The following ZNF30 variants were observed in gnomAD, a reference collection of about 807,000 sequenced individuals.
The protein encoded by ZNF30 is zinc finger protein 30 (KOX 28).
Under a neutral mutation model 13.2 loss-of-function variants are expected in ZNF30, and 15 were observed. The ratio of observed to expected loss-of-function variants is 1.13; its 90% CI spans 0.76 to 1.75. The LOEUF (loss-of-function observed/expected upper bound fraction) is 1.75, where lower values mean the gene tolerates loss of function less well. ZNF30 is among the 40% of genes most tolerant of loss of function. The pLI, the probability that ZNF30 is intolerant of heterozygous loss-of-function variation, is 0.00. For synonymous variants in ZNF30, 223 were observed against 256.6 expected (o/e 0.87, Z 1.25); for missense variants, 726 against 757.0 (o/e 0.96, Z 0.48).
chr19:34,928,810 T>TCAAA (rs558381339), intron 1 of ZNF30, among the ~76,000 whole-genome samples: 80 of 152,214 alleles, frequency 5.3e-4, no homozygotes, highest in African/African-American at 1.4e-3. Flanking sequence ...AGACCCTGTC[T>TCAAA]CAAACAAACA....
At chr19:34,943,169 C>T in intron 4 of ZNF30, 54 bp from the exon 5 acceptor site, 6 of 1,320,944 alleles carry the variant, frequency 4.5e-6, no homozygotes, top group Non-Finnish European at 4.0e-6. Flanking sequence ...TCTTTTCTTC[C>T]CTAGAATTTT....
At chr19:34,934,041 T>C (rs538162026) in intron 4 of ZNF30, among the ~76,000 whole-genome samples, 2 of 152,244 alleles carry the variant, frequency 1.3e-5, no homozygotes, top group South Asian at 4.1e-4. Context: ...TTTGGATTTA[T>C]TCATATATTC....
upstream of ZNF30, among the ~76,000 whole-genome samples, chr19:34,924,626 C>G (rs2012003499): frequency 6.6e-6 from 1 of 152,180 alleles, no homozygotes; most frequent in South Asian, 2.1e-4. Context: ...TGACCACAGC[C>G]AGTTCAGGAA....
At chr19:34,939,155 C>CCCCCCCTCCCTCCG (rs2012904403) in intron 4 of ZNF30, among the ~76,000 whole-genome samples, 1 of 107,322 alleles carries the variant, frequency 9.3e-6, no homozygotes, top group African/African-American at 4.8e-5. Context: ...CCCTCCCCTC[C>CCCCCCCTCCCTCCG]CTCCCCTCCC....
chr19:34,924,353 C>T (rs946512174), upstream of ZNF30, among the ~76,000 whole-genome samples: 2 of 152,080 alleles, frequency 1.3e-5, no homozygotes, highest in Non-Finnish European at 2.9e-5. Context: ...TATTTCTACC[C>T]ACCATGGAAC....
intron 4 of ZNF30, 83 bp from the exon 5 acceptor site, chr19:34,943,140 G>T: frequency 1.0e-6 from 1 of 993,950 alleles, no homozygotes; most frequent in Non-Finnish European, 1.4e-6. Context: ...TTTCTAGTTG[G>T]TGTTATTTTC....
At chr19:34,924,791 G>A (rs1490329084), upstream of ZNF30, among the ~76,000 whole-genome samples, 1 of 152,188 alleles carries the variant, frequency 6.6e-6, no homozygotes, top group East Asian at 1.9e-4. Context: ...GAACACTTTA[G>A]ACATGAATAG....
chr19:34,938,470 C>T (rs1287734051), intron 4 of ZNF30, among the ~76,000 whole-genome samples: 3 of 151,666 alleles, frequency 2.0e-5, no homozygotes, highest in African/African-American at 4.8e-5. Context: ...TTGCATTTTG[C>T]CAACTGAGTT....
chr19:34,945,063 G>A lies in ZNF30; in HGVS notation c.*225G>A, dbSNP rs1053216. On this transcript the variant is annotated 3_prime_UTR_variant, in exon 5 of 5. Coordinates refer to ENST00000601142, the MANE Select transcript of ZNF30 (RefSeq NM_194325.3). The stretch of plus-strand genomic sequence containing the variant: ...GGACCATTCAGAAAAAGTGGGAAAC[G>A]TTATTACTTAATGGTTACAGCACTG... 0.22 allele frequency: 99,949 copies of A among 463,088 alleles called. 12,535 individuals carry two copies. Among genetic ancestry groups the A allele is most frequent in the African/African-American group, 0.4 (20,399 of 51,366 alleles). The allele number at this position is 463,088 out of a possible 1,614,324, so 28.7% of individuals were successfully genotyped here.
chr19:34,942,386 G>A (rs2013087293), intron 4 of ZNF30, among the ~76,000 whole-genome samples: 1 of 151,870 alleles, frequency 6.6e-6, no homozygotes, highest in African/African-American at 2.4e-5. Flanking sequence ...GGTTGAGGCT[G>A]CATTGAGCTG....
intron 4 of ZNF30, among the ~76,000 whole-genome samples, chr19:34,934,813 C>T (rs1021200083): frequency 2.0e-5 from 3 of 152,080 alleles, no homozygotes; most frequent in Non-Finnish European, 2.9e-5. Context: ...ACATAATGAA[C>T]ACAGGGCTTA....
chr19:34,929,347 T>C (rs1041324162), intron 1 of ZNF30, among the ~76,000 whole-genome samples: 1 of 152,202 alleles, frequency 6.6e-6, no homozygotes, highest in Admixed American at 6.5e-5. Flanking sequence ...AAGTATTCTA[T>C]TAACTTTTGG....
intron 4 of ZNF30, among the ~76,000 whole-genome samples, chr19:34,939,425 G>T (rs969355623): frequency 2.7e-5 from 4 of 150,838 alleles, no homozygotes; most frequent in African/African-American, 9.8e-5. Context: ...TGATCCACCC[G>T]CTTCGGCCTC....
chr19:34,931,284 A>G (rs907472663), intron 2 of ZNF30, among the ~76,000 whole-genome samples: 16 of 151,926 alleles, frequency 1.1e-4, no homozygotes, highest in Admixed American at 1.0e-3. Flanking sequence ...TGATCCACCC[A>G]CCTCAGCCTC....
At chr19:34,938,149 G>T (rs1349324216) in intron 4 of ZNF30, among the ~76,000 whole-genome samples, 1 of 152,168 alleles carries the variant, frequency 6.6e-6, no homozygotes, top group Non-Finnish European at 1.5e-5. Flanking sequence ...GCACCTAGGG[G>T]TGAAAGCCTG....
chr19:34,931,039 C>CTTTTTT (rs56153327), intron 2 of ZNF30, among the ~76,000 whole-genome samples: 2 of 122,526 alleles, frequency 1.6e-5, no homozygotes, highest in African/African-American at 6.1e-5. Flanking sequence ...TTCTTTTTTT[C>CTTTTTT]TTTTTTTTTT....
chr19:34,933,434 G>A (rs1441978741), intron 3 of ZNF30, among the ~76,000 whole-genome samples, 194 bp from the exon 4 acceptor site: 2 of 152,120 alleles, frequency 1.3e-5, no homozygotes, highest in Admixed American at 6.5e-5. Flanking sequence ...CCTGGCGACA[G>A]AGTGAGACTC....
At chr19:34,940,793 A>G (rs2013009256) in intron 4 of ZNF30, among the ~76,000 whole-genome samples, 1 of 152,154 alleles carries the variant, frequency 6.6e-6, no homozygotes, top group Admixed American at 6.5e-5. Flanking sequence ...CTAAGAGAAT[A>G]GTTACGATCA....
chr19:34,926,766 C>A, upstream of ZNF30: 1 of 395,138 alleles, frequency 2.5e-6, no homozygotes, highest in Non-Finnish European at 4.5e-6. Context: ...CTCTAAGAAG[C>A]TGGCCACCTA....
Sources: allele counts gnomAD v4.1 joint callset (sites outside exome capture counted in the v4.1 genomes callset), GRCh38; gene constraint gnomAD v4.1.1; transcripts MANE v1.5; gene names NCBI Gene and HGNC (gene_info 2026-07-23, HGNC 2026-07-21).